GUCY2F: variants seen among roughly 807,000 people sequenced by gnomAD.
The protein encoded by GUCY2F is guanylate cyclase 2F, retinal, also known as retinal guanylyl cyclase 2.
GUCY2F carries 61 observed loss-of-function variants against 73.1 expected under a neutral mutation model. That is an observed-to-expected ratio of 0.83 (90% CI 0.68 to 1.03). The LOEUF (loss-of-function observed/expected upper bound fraction) is 1.03. Ranked by LOEUF, GUCY2F falls within the 50% of genes least tolerant of loss-of-function variation. GUCY2F has a pLI of 0.00. For missense variants in GUCY2F, 912 were observed against 854.3 expected (o/e 1.07, Z -0.84); for synonymous variants, 331 against 307.8 (o/e 1.08, Z -0.79).
intron 2 of GUCY2F, among the ~76,000 whole-genome samples, chrX:109,468,586 C>A (rs1302621661): frequency 9.0e-6 from 1 of 111,725 alleles, no homozygotes; most frequent in Middle Eastern, 4.2e-3. Context: ...GTACCTTACC[C>A]TCAACCCTAA....
chrX:109,463,390 G>A (rs924642082), intron 3 of GUCY2F, among the ~76,000 whole-genome samples: 5 of 109,587 alleles, frequency 4.6e-5, no homozygotes, highest in African/African-American at 6.7e-5. Context: ...CAAGGTATGG[G>A]AAGAAGTCTA....
intron 7 of GUCY2F, among the ~76,000 whole-genome samples, chrX:109,433,442 A>G (rs776401697): frequency 1.7e-4 from 19 of 112,245 alleles, no homozygotes; most frequent in Non-Finnish European, 3.2e-4. Context: ...AAGGTCTTCC[A>G]TCTCCTACTT....
intron 8 of GUCY2F, among the ~76,000 whole-genome samples, chrX:109,409,944 A>C (rs1489331553): frequency 9.0e-6 from 1 of 111,149 alleles, no homozygotes; most frequent in Non-Finnish European, 1.9e-5. Flanking sequence ...CATTGATCCT[A>C]TGACCCCACT....
At chrX:109,463,261 A>G (rs1282093342) in intron 3 of GUCY2F, among the ~76,000 whole-genome samples, 3 of 110,642 alleles carry the variant, frequency 2.7e-5, no homozygotes, top group African/African-American at 6.6e-5. Context: ...CAGAATCTCA[A>G]TTTTGTTCAC....
chrX:109,374,669 CTG>C (rs1283896530), intron 19 of GUCY2F, among the ~76,000 whole-genome samples: 2 of 110,721 alleles, frequency 1.8e-5, no homozygotes, highest in Non-Finnish European at 1.9e-5. Flanking sequence ...GTGTCTGGAT[CTG>C]TGTGTGTGTC....
Position 109,453,616 on chromosome X carries a change from T to A in GUCY2F, c.1276A>T (p.Met426Leu). The change falls in exon 4 of 20, where the codon ATG becomes TTG. Residue 426 changes from methionine to leucine, a missense_variant. Physicochemically the swap from Met to Leu is conservative, Grantham distance 15. Transcript: ENST00000218006. ...WELHSTYTVD[M>L]EMELLRFGGT... ...CCGAAACGTAGCAGCTCCATTTCCA[T>A]GTCCACAGTGTAGGTGCTATGGAGT... 8.3e-7 allele frequency: 1 copy of A among 1,201,067 alleles called. No homozygotes were observed. The highest frequency in any genetic ancestry group is 1.1e-6 in the Non-Finnish European group (1 of 885,891).
In GUCY2F at chrX:109,393,018, A is replaced by T. The variant is rs767359855; in HGVS notation, c.2462T>A (p.Ile821Asn). 8.9e-7 allele frequency: 1 copy of T among 1,119,168 alleles called. No homozygotes were observed. Among genetic ancestry groups the T allele is most frequent in the Non-Finnish European group, 1.2e-6 (1 of 812,556 alleles). 92.2% of individuals were successfully genotyped at this position (1,119,168 alleles called of 1,213,427 possible). ...CTCCAACATCCGAAGCATAGAATCA[A>T]TAATATTGGTCTTCTTCCCTTTATT... ...TFNKGKKTNI[I>N]DSMLRMLEQY... The change falls in exon 13 of 20, where the codon ATT (isoleucine) becomes AAT (asparagine). Residue 821 changes from isoleucine (I) to asparagine (N), a missense_variant. By Grantham distance (149) the Ile-to-Asn change is moderately radical (BLOSUM62 -3). Transcript: ENST00000218006.
intron 15 of GUCY2F, 38 bp from the exon 16 acceptor site, chrX:109,385,320 G>A (rs758841981): frequency 1.5e-6 from 1 of 687,780 alleles, no homozygotes; most frequent in African/African-American, 2.2e-5. Flanking sequence ...CAGTCAACAG[G>A]TATGCACCCA....
chrX:109,414,374 A>T (rs948171302), intron 8 of GUCY2F, among the ~76,000 whole-genome samples: 1 of 111,156 alleles, frequency 9.0e-6, no homozygotes, highest in African/African-American at 3.3e-5. Context: ...ATTGTTCAAG[A>T]CCTCCTATCC....
rs779031452 is a variant in GUCY2F, at chrX:109,407,806, G to A, written c.1968+1186C>T. Among the ~76,000 whole-genome samples, 28 of 113,539 alleles carry A rather than the reference G, an allele frequency of 2.5e-4. No homozygotes were observed. The South Asian group carries it at 8.9e-3, about 36-fold the overall frequency. On this transcript the variant is annotated intron_variant, in intron 9 of 19. Transcript: ENST00000218006. ...GTGTTGAGCCTGCAGGTGCACAGAA[G>A]TCAGGAACTGAGGTTTGGGAACCTC...
In GUCY2F at chrX:109,461,192, C is replaced by T. The variant is rs748571620; in HGVS notation, c.1032+3950G>A. On this transcript the variant is annotated intron_variant, in intron 3 of 19. Transcript: ENST00000218006. ...CAAATAATGCTCAAAATTGATTAATCGAGAGTCACCAGTAGCAGCATAGCA... is the reference window on the plus strand; with the variant it reads ...CAAATAATGCTCAAAATTGATTAATTGAGAGTCACCAGTAGCAGCATAGCA... 2.2e-3 allele frequency among the ~76,000 whole-genome samples: 246 copies of T among 111,313 alleles called. 1 individual carries two copies. The highest frequency in any genetic ancestry group is 3.5e-3 in the Non-Finnish European group (186 of 52,881).
At chrX:109,397,864 C>T (rs1225842233) in intron 11 of GUCY2F, among the ~76,000 whole-genome samples, 1 of 109,035 alleles carries the variant, frequency 9.2e-6, no homozygotes, top group Non-Finnish European at 1.9e-5. Flanking sequence ...AGAATAACAC[C>T]GAGGTGACAT....
At chrX:109,417,476 G>A (rs1354860563) in intron 8 of GUCY2F, among the ~76,000 whole-genome samples, 1 of 110,900 alleles carries the variant, frequency 9.0e-6, no homozygotes, top group South Asian at 3.7e-4. Context: ...TCACTAAAAC[G>A]TGCAAAAATG....
chrX:109,415,509 G>A (rs1042695820), intron 8 of GUCY2F, among the ~76,000 whole-genome samples: 1 of 112,136 alleles, frequency 8.9e-6, no homozygotes, highest in Admixed American at 9.5e-5. Flanking sequence ...ACAAACATTC[G>A]GTTGGTGTCT....
At chrX:109,467,288 T>G (rs1932487894) in intron 2 of GUCY2F, among the ~76,000 whole-genome samples, 1 of 112,107 alleles carries the variant, frequency 8.9e-6, no homozygotes, top group African/African-American at 3.2e-5. Flanking sequence ...ATTAGTATAG[T>G]CATAGGTCCA....
At chrX:109,405,396 A>T (rs1930948823) in intron 9 of GUCY2F, among the ~76,000 whole-genome samples, 1 of 111,961 alleles carries the variant, frequency 8.9e-6, no homozygotes, top group Non-Finnish European at 1.9e-5. Context: ...AAAATAGGCA[A>T]CCAGAAAGAA....
intron 19 of GUCY2F, 123 bp downstream of exon 19, chrX:109,375,775 A>T: frequency 1.8e-6 from 1 of 541,970 alleles, no homozygotes; most frequent in Non-Finnish European, 3.2e-6. Flanking sequence ...GAGCTTGGAA[A>T]TTCTCCAGCT....
chrX:109,406,899 A>G (rs1043223899), intron 9 of GUCY2F, among the ~76,000 whole-genome samples: 9 of 112,336 alleles, frequency 8.0e-5, no homozygotes, highest in Non-Finnish European at 1.7e-4. Flanking sequence ...TATAAGTCCA[A>G]TTAAACCTCT....
At chrX:109,445,802 G>T (rs1306726571) in intron 6 of GUCY2F, among the ~76,000 whole-genome samples, 1 of 111,483 alleles carries the variant, frequency 9.0e-6, no homozygotes, top group East Asian at 2.8e-4. Context: ...AGAAATAAAG[G>T]GTATTCAGTT....
Sources: allele counts gnomAD v4.1 joint callset (sites outside exome capture counted in the v4.1 genomes callset), GRCh38; gene constraint gnomAD v4.1.1; transcripts MANE v1.5; gene names NCBI Gene and HGNC (gene_info 2026-07-23, HGNC 2026-07-21).